FKBP15: variants seen among roughly 807,000 people sequenced by gnomAD.
The protein encoded by FKBP15 is FKBP prolyl isomerase family member 15, also known as FK506-binding protein 15.
In FKBP15, 106 loss-of-function variants were observed where a neutral mutation model predicts 158.1. The ratio of observed to expected loss-of-function variants is 0.67; its 90% CI spans 0.57 to 0.79. The LOEUF is 0.79. Ranked by LOEUF, FKBP15 falls within the 30% of genes least tolerant of loss-of-function variation. The probability of loss-of-function intolerance (pLI) is 0.00; values close to 1 mark genes in which losing one functional copy is unlikely to be tolerated. For synonymous variants in FKBP15, 547 were observed against 548.6 expected, an observed-to-expected ratio of 1.00 and a Z score of 0.04; for missense variants, 1,287 against 1,479.1, an observed-to-expected ratio of 0.87 and a Z score of 2.13.
rs1394144908 is a variant in FKBP15 at position 113,203,017 on chromosome 9, T to C, written c.343A>G (p.Ile115Val). 3.1e-6 allele frequency: 5 copies of C among 1,610,800 alleles called. No individual in the cohort carries two copies. The highest frequency in any genetic ancestry group is 1.3e-5 in the African/African-American group (1 of 74,396). ...ACCGTAACTGGCTGTTGTTGACTGATATAAAGAAGAATCCTATACTGTAGA... is the reference window on the plus strand; with the variant it reads ...ACCGTAACTGGCTGTTGTTGACTGACATAAAGAAGAATCCTATACTGTAGA... Reference protein sequence around the residue: ...TAREYRILLYISQQQPVTVAR... With the variant: ...TAREYRILLYVSQQQPVTVAR... The change falls in exon 5 of 28, where the codon ATC (isoleucine) becomes GTC (valine). Residue 115 changes from isoleucine (I) to valine (V), a missense_variant. Transcript: ENST00000238256.
At position 113,178,672 on chromosome 9, in the gene FKBP15, G is replaced by T. The variant is rs750502986; in HGVS notation, c.2044C>A (p.Leu682Ile). Residue 682 changes from leucine (L) to isoleucine (I), a missense_variant, in exon 20 of 28, where the codon CTT (leucine) becomes ATT (isoleucine). Coordinates refer to ENST00000238256, the MANE Select transcript of FKBP15 (RefSeq NM_015258.2). Reference protein sequence around the residue: ...QLTESLKETDLLRGQLTKVQA... With the variant: ...QLTESLKETDILRGQLTKVQA... ...ACTTTGGTGAGCTGGCCCCTGAGAA[G>T]ATCTGTCTCCTTCAGGCTTTCTGTC... 74 of 1,610,382 alleles carry T rather than the reference G, an allele frequency of 4.6e-5. 1 individual carries two copies. In the South Asian group the frequency reaches 7.7e-4, roughly 17 times the overall value.
At chr9:113,166,506 G>A (rs1830101909) in intron 27 of FKBP15, among the ~76,000 whole-genome samples, 2 of 152,208 alleles carry the variant, frequency 1.3e-5, no homozygotes, top group Admixed American at 6.5e-5. Context: ...TGGAGCAGTA[G>A]GAAGAAACAG....
chr9:113,207,215 C>A lies in FKBP15; in HGVS notation c.251G>T (p.Arg84Leu). 2 of 1,611,402 alleles carry A rather than the reference C, an allele frequency of 1.2e-6. No homozygotes were observed. The highest frequency in any genetic ancestry group is 1.7e-6 in the Non-Finnish European group (2 of 1,178,200). ...ILVATAVHAY[R>L]YTNGQYVKQG... ...GTGTTCCTTCTCAGCGACTTACTAT[C>A]GATATGCATGGACTGCTGTTGCGAC... is the stretch of plus-strand genomic sequence containing the variant. Residue 84 changes from arginine to leucine, a missense_variant, in exon 3 of 28, where the codon CGA (arginine) becomes CTA (leucine). Coordinates refer to ENST00000238256, the MANE Select transcript of FKBP15 (RefSeq NM_015258.2).
At chr9:113,209,533 G>A (rs577285773) in intron 2 of FKBP15, among the ~76,000 whole-genome samples, 56 of 152,254 alleles carry the variant, frequency 3.7e-4, no homozygotes, top group African/African-American at 1.2e-3. Context: ...AGCAGGGATC[G>A]GCAAACATTT....
intron 11 of FKBP15, among the ~76,000 whole-genome samples, chr9:113,192,035 TAA>T (rs11409285): frequency 6.8e-6 from 1 of 148,078 alleles, no homozygotes; most frequent in African/African-American, 2.5e-5. Context: ...CAAATTTGTT[TAA>T]AAAAAAAAAG....
intron 19 of FKBP15, 136 bp from the exon 20 acceptor site, chr9:113,178,937 A>G (rs2118878220): frequency 1.3e-6 from 1 of 742,408 alleles, no homozygotes; most frequent in African/African-American, 1.8e-5. Context: ...GCATTAAACC[A>G]AATTCAAATT....
chr9:113,161,743 C>A lies in FKBP15; in HGVS notation c.*4335G>T, dbSNP rs749916126. ...GAAAGGGGCAGAAGCCTCACATTCA[C>A]CCTGAGAGACAGGCTGGCCCAGACA... On this transcript the variant is annotated 3_prime_UTR_variant, in exon 28 of 28. Coordinates refer to ENST00000238256, the MANE Select transcript of FKBP15 (RefSeq NM_015258.2). The A allele has an allele frequency of 6.3e-7, 1 of 1,593,488 alleles. No homozygotes were observed. The highest frequency in any genetic ancestry group is 8.6e-7 in the Non-Finnish European group (1 of 1,163,242).
At chr9:113,173,849 A>G (rs960315739) in intron 22 of FKBP15, among the ~76,000 whole-genome samples, 2 of 152,174 alleles carry the variant, frequency 1.3e-5, no homozygotes, top group Non-Finnish European at 2.9e-5. Flanking sequence ...AGGTCCCTGG[A>G]GGGCAGGGCC....
At chr9:113,205,853 A>G (rs1830875222) in intron 4 of FKBP15, among the ~76,000 whole-genome samples, 1 of 152,232 alleles carries the variant, frequency 6.6e-6, no homozygotes, top group Non-Finnish European at 1.5e-5. Flanking sequence ...GGAATGAAAT[A>G]CTGATGCATG....
At position 113,197,028 on chromosome 9, in the gene FKBP15, A is replaced by C. The variant is rs562703377; in HGVS notation, c.768T>G (p.Leu256=). ...LGMKKGGKRL[L]IVPPACAVGS... ...CAACAGCACAGGCTGGAGGGACAAT[A>C]AGCAATCGCTTTCCTCCTTTTTTCA... The change falls in exon 9 of 28, where the codon CTT becomes CTG. Residue 256 remains leucine (L), a synonymous_variant. Coordinates refer to ENST00000238256, the MANE Select transcript of FKBP15 (RefSeq NM_015258.2). The C allele has an allele frequency of 2.5e-6, 4 of 1,613,934 alleles. No homozygotes were observed. The highest frequency in any genetic ancestry group is 3.3e-5 in the Admixed American group (2 of 60,014).
chr9:113,168,637 C>T, intron 26 of FKBP15, 81 bp from the exon 27 acceptor site: 2 of 1,250,934 alleles, frequency 1.6e-6, no homozygotes, highest in Non-Finnish European at 2.3e-6. Flanking sequence ...GGTCACCGGC[C>T]CTTGGGTAAG....
intron 19 of FKBP15, among the ~76,000 whole-genome samples, chr9:113,180,290 G>T (rs1830371741): frequency 6.7e-6 from 1 of 148,382 alleles, no homozygotes; most frequent in Admixed American, 6.6e-5. Context: ...GAATGGATAA[G>T]ATATTAATAA....
intron 7 of FKBP15, among the ~76,000 whole-genome samples, chr9:113,199,457 A>C (rs552170556): frequency 2.1e-4 from 32 of 152,348 alleles, no homozygotes; most frequent in African/African-American, 7.2e-4. Flanking sequence ...ATCTACTATA[A>C]GAAAAACTAT....
chr9:113,209,564 T>G (rs1830960037), intron 2 of FKBP15, among the ~76,000 whole-genome samples: 1 of 152,226 alleles, frequency 6.6e-6, no homozygotes, highest in Non-Finnish European at 1.5e-5. Flanking sequence ...GCCTATAGGC[T>G]GTGGTATAAT....
At chr9:113,189,012 ATTCT>A (rs1830530584) in intron 12 of FKBP15, among the ~76,000 whole-genome samples, 1 of 152,212 alleles carries the variant, frequency 6.6e-6, no homozygotes, top group Non-Finnish European at 1.5e-5. Context: ...TTTTTCCAAC[ATTCT>A]TTATTTTCAT....
At position 113,164,891 on chromosome 9, in the gene FKBP15, A is replaced by G. The variant is rs1564142889; in HGVS notation, c.*1187T>C. 6.6e-6 allele frequency: 1 copy of G among 152,264 alleles called. No homozygotes were observed. The highest frequency in any genetic ancestry group is 1.5e-5 in the Non-Finnish European group (1 of 68,054). 9.4% of individuals were successfully genotyped at this position (152,264 alleles called of 1,614,324 possible). On this transcript the variant is annotated 3_prime_UTR_variant, in exon 28 of 28. Coordinates refer to ENST00000238256, the MANE Select transcript of FKBP15 (RefSeq NM_015258.2). ...CAGCACCGCCTTTTGTTAAGCAACAAAGAAATAATTAGTTCTCACTGCCTC... is the reference window on the plus strand; with the variant it reads ...CAGCACCGCCTTTTGTTAAGCAACAGAGAAATAATTAGTTCTCACTGCCTC...
At position 113,161,961 on chromosome 9, in the gene FKBP15, C is replaced by T. The variant is rs1830020699; in HGVS notation, c.*4117G>A. Reference sequence around the variant, plus strand: ...GGAACAGTGATCTTCAGGTGCAGGCCCCTATCTAGCAAATGAGGTGGCCAC... The same window carrying T: ...GGAACAGTGATCTTCAGGTGCAGGCTCCTATCTAGCAAATGAGGTGGCCAC... On this transcript the variant is annotated 3_prime_UTR_variant, in exon 28 of 28. Coordinates refer to ENST00000238256, the MANE Select transcript of FKBP15 (RefSeq NM_015258.2). 1.8e-6 allele frequency: 1 copy of T among 559,768 alleles called. No individual in the cohort carries two copies. The highest frequency in any genetic ancestry group is 3.2e-6 in the Non-Finnish European group (1 of 308,858). The allele number at this position is 559,768 out of a possible 1,614,324, so 34.7% of individuals were successfully genotyped here.
chr9:113,164,274 TA>T lies in FKBP15; in HGVS notation c.*1803del, dbSNP rs11285045. The T allele has an allele frequency of 0.3, 45,276 of 152,110 alleles. 6,958 individuals carry two copies. The highest frequency in any genetic ancestry group is 0.33 in the Non-Finnish European group (22,643 of 67,976). The allele number at this position is 152,110 out of a possible 1,614,324, so 9.4% of individuals were successfully genotyped here. On this transcript the variant is annotated 3_prime_UTR_variant, in exon 28 of 28. Coordinates refer to ENST00000238256, the MANE Select transcript of FKBP15 (RefSeq NM_015258.2). ...CTGAGGACAGAGTCCATCCATCTGC[TA>T]CAAAGACAACTCTGCTCAGGGAAAC...
chr9:113,178,144 T>TGAA (rs1348541148), intron 20 of FKBP15, among the ~76,000 whole-genome samples: 1 of 152,034 alleles, frequency 6.6e-6, no homozygotes, highest in Non-Finnish European at 1.5e-5. Flanking sequence ...CAGGATGAGC[T>TGAA]GAAGAGCAGC....
Sources: allele counts gnomAD v4.1 joint callset (sites outside exome capture counted in the v4.1 genomes callset), GRCh38; gene constraint gnomAD v4.1.1; transcripts MANE v1.5; gene names NCBI Gene and HGNC (gene_info 2026-07-23, HGNC 2026-07-21).